The following EFCAB7 variants were observed in gnomAD, a reference collection of about 807,000 sequenced individuals.
The protein encoded by EFCAB7 is EF-hand calcium-binding domain-containing protein 7.
Under a neutral mutation model 77.1 loss-of-function variants are expected in EFCAB7, and 66 were observed. The ratio of observed to expected loss-of-function variants is 0.86; its 90% CI spans 0.70 to 1.05. EFCAB7 has a LOEUF of 1.05. Among genes scored for constraint, EFCAB7 ranks in the 50% least tolerant of loss-of-function variants. The probability of loss-of-function intolerance (pLI) is 0.00; values close to 1 mark genes in which losing one functional copy is unlikely to be tolerated. For synonymous variants in EFCAB7, 225 were observed against 243.3 expected (o/e 0.92, Z 0.70); for missense variants, 638 against 730.5 (o/e 0.87, Z 1.46).
At chr1:63,546,534 C>CT (rs1646900830) in intron 7 of EFCAB7, among the ~76,000 whole-genome samples, 1 of 151,852 alleles carries the variant, frequency 6.6e-6, no homozygotes, top group African/African-American at 2.4e-5. Context: ...CCCGCCTAAT[C>CT]TTTTTGTATT....
At chr1:63,567,452 T>A (rs1243309681) in intron 11 of EFCAB7, among the ~76,000 whole-genome samples, 1 of 147,442 alleles carries the variant, frequency 6.8e-6, no homozygotes, top group Non-Finnish European at 1.5e-5. Context: ...AAACTCCATC[T>A]CCAAAAAAAA....
chr1:63,532,265 T>C (rs1646706841), intron 3 of EFCAB7, among the ~76,000 whole-genome samples: 1 of 152,102 alleles, frequency 6.6e-6, no homozygotes, highest in Admixed American at 6.6e-5. Flanking sequence ...TCCTATTTAA[T>C]TGGTTCCTGT....
rs1647237492 is a variant in EFCAB7 at position 63,570,913 on chromosome 1, G to C, written c.1708-108G>C. ...AGTAGCCAATTTGTATGAATTTGTAGTGCACTATATGATGTTAAAACAGAA... is the reference window on the plus strand; with the variant it reads ...AGTAGCCAATTTGTATGAATTTGTACTGCACTATATGATGTTAAAACAGAA... On this transcript the variant is annotated intron_variant, in intron 12 of 13. Coordinates refer to ENST00000371088, the MANE Select transcript of EFCAB7 (RefSeq NM_032437.4). 4 of 578,506 alleles carry C rather than the reference G, an allele frequency of 6.9e-6. No homozygotes were observed. The Admixed American group carries it at 1.6e-4, about 23-fold the overall frequency. 35.8% of individuals were successfully genotyped at this position (578,506 alleles called of 1,614,324 possible).
At chr1:63,556,946 G>C (rs1647038166) in intron 9 of EFCAB7, among the ~76,000 whole-genome samples, 168 bp from the exon 10 acceptor site, 1 of 151,084 alleles carries the variant, frequency 6.6e-6, no homozygotes, top group Admixed American at 6.6e-5. Context: ...GCTGAGGCAG[G>C]AGAATGGCGT....
chr1:63,545,958 G>A lies in EFCAB7; in HGVS notation c.847G>A (p.Glu283Lys). ...ATCAAAAGGTTGCTTCTTCTTAGAAGAAGATGGTGAAATCATTAGTCATCA... is the reference window on the plus strand; with the variant it reads ...ATCAAAAGGTTGCTTCTTCTTAGAAAAAGATGGTGAAATCATTAGTCATCA... ...MQSKGCFFLEEDGEIISHQYR... is the reference protein window; with the variant it reads ...MQSKGCFFLEKDGEIISHQYR... Residue 283 changes from glutamate (E) to lysine (K), a missense_variant, in exon 7 of 14, where the codon GAA (glutamate) becomes AAA (lysine). Glu to Lys is a moderately conservative substitution (Grantham distance 56). Coordinates refer to ENST00000371088, the MANE Select transcript of EFCAB7 (RefSeq NM_032437.4). The A allele has an allele frequency of 1.2e-6, 2 of 1,613,878 alleles. No homozygotes were observed. Among genetic ancestry groups the A allele is most frequent in the Non-Finnish European group, 1.7e-6 (2 of 1,179,892 alleles).
the EFCAB7 span, among the ~76,000 whole-genome samples, chr1:63,582,085 C>CTAA: frequency 1.3e-5 from 2 of 152,196 alleles, no homozygotes; most frequent in Admixed American, 1.3e-4. Flanking sequence ...CCACTGAAAA[C>CTAA]ACTGCATGCT....
At chr1:63,576,973 C>G (rs370415536), downstream of EFCAB7, among the ~76,000 whole-genome samples, 1 of 151,802 alleles carries the variant, frequency 6.6e-6, no homozygotes, top group African/African-American at 2.4e-5. Flanking sequence ...ATGGTGAAAC[C>G]CCATCTGTAC....
At chr1:63,551,613 G>A (rs1646965804) in intron 7 of EFCAB7, 112 bp from the exon 8 acceptor site, 1 of 422,256 alleles carries the variant, frequency 2.4e-6, no homozygotes, top group Non-Finnish European at 4.0e-6. Context: ...CATGGAATAT[G>A]TATTTCTAAA....
intron 2 of EFCAB7, among the ~76,000 whole-genome samples, chr1:63,530,888 G>T (rs879866783): frequency 1.3e-5 from 2 of 152,062 alleles, no homozygotes; most frequent in Non-Finnish European, 2.9e-5. Flanking sequence ...TTCACACATT[G>T]TATGTATTTA....
chr1:63,574,283 G>A (rs990792745), downstream of EFCAB7, among the ~76,000 whole-genome samples: 1 of 152,148 alleles, frequency 6.6e-6, no homozygotes, highest in Admixed American at 6.5e-5. Context: ...GGAAATGAGA[G>A]GTTCTATGAG....
chr1:63,550,918 G>A (rs915135498), intron 7 of EFCAB7: 1 of 152,122 alleles, frequency 6.6e-6, no homozygotes, highest in Non-Finnish European at 1.5e-5. Flanking sequence ...GAGATGGGCA[G>A]CGTTTTAAAA....
intron 11 of EFCAB7, among the ~76,000 whole-genome samples, chr1:63,566,184 A>T (rs1647169831): frequency 6.6e-6 from 1 of 152,242 alleles, no homozygotes; most frequent in Non-Finnish European, 1.5e-5. Flanking sequence ...GAATGAGGTC[A>T]TGTCCTTTGC....
chr1:63,575,098 A>C (rs963487264), downstream of EFCAB7, among the ~76,000 whole-genome samples: 1 of 152,186 alleles, frequency 6.6e-6, no homozygotes, highest in Non-Finnish European at 1.5e-5. Flanking sequence ...AATTAAAAAA[A>C]CTAATTATCT....
chr1:63,551,563 G>C (rs217484), intron 7 of EFCAB7, among the ~76,000 whole-genome samples, 162 bp from the exon 8 acceptor site: 91,864 of 151,668 alleles, frequency 0.61, 29,562 homozygotes, highest in African/African-American at 0.82. Flanking sequence ...TGCATTCCAG[G>C]CTGGGTGACC....
At chr1:63,560,697 T>C (rs1647088367) in intron 10 of EFCAB7, among the ~76,000 whole-genome samples, 1 of 152,058 alleles carries the variant, frequency 6.6e-6, no homozygotes. Context: ...ATTTTTTGTA[T>C]TTTTAGTAGA....
At chr1:63,526,253 C>A (rs1646587768) in intron 2 of EFCAB7, among the ~76,000 whole-genome samples, 1 of 151,722 alleles carries the variant, frequency 6.6e-6, no homozygotes. Context: ...TTGCTTCTGT[C>A]CTTTATCACA....
intron 11 of EFCAB7, 41 bp downstream of exon 11, chr1:63,561,898 A>C (rs908804672): frequency 9.9e-6 from 14 of 1,407,962 alleles, no homozygotes; most frequent in Non-Finnish European, 1.1e-5. Context: ...TTTAATGTAC[A>C]TAATATTTTA....
In EFCAB7 at chr1:63,551,799, C is replaced by T; in HGVS notation, c.1021C>T (p.Gln341Ter). The change falls in exon 8 of 14, where the codon CAG becomes TAG. Residue 341 changes from glutamine (Q) to a stop codon, truncating the protein, a stop_gained. Transcript: ENST00000371088. LOFTEE classifies it high-confidence loss of function. ...GGAAAATGAGAGTCAAGCAAATCTA[C>T]AGCTTGTGTGTTTTACCGAACTACG... The part of the protein sequence containing the change: ...LKENESQANL[Q>*]LVCFTELRNR... The T allele has an allele frequency of 6.3e-7, 1 of 1,595,066 alleles. No homozygotes were observed. Among genetic ancestry groups the T allele is most frequent in the Non-Finnish European group, 8.5e-7 (1 of 1,170,494 alleles).
intron 10 of EFCAB7, among the ~76,000 whole-genome samples, 192 bp downstream of exon 10, chr1:63,557,439 C>T (rs1302243249): frequency 6.6e-6 from 1 of 152,122 alleles, no homozygotes; most frequent in Non-Finnish European, 1.5e-5. Context: ...TGGTATAATA[C>T]TCAAGTTAAA....
Sources: allele counts gnomAD v4.1 joint callset (sites outside exome capture counted in the v4.1 genomes callset), GRCh38; gene constraint gnomAD v4.1.1; transcripts MANE v1.5; gene names NCBI Gene and HGNC (gene_info 2026-07-23, HGNC 2026-07-21).